The following DNM1 variants were observed in gnomAD, a reference collection of about 807,000 sequenced individuals.
DNM1 encodes the protein dynamin 1.
A neutral mutation model predicts 104.6 loss-of-function variants in DNM1; 29 were observed. That is an observed-to-expected ratio of 0.28 (90% CI 0.21 to 0.38). The LOEUF (loss-of-function observed/expected upper bound fraction) is 0.38, where lower values mean the gene tolerates loss of function less well. Among genes scored for constraint, DNM1 ranks in the 10% least tolerant of loss-of-function variants. DNM1 has a pLI of 1.00. For missense variants in DNM1, 640 were observed against 1,189.4 expected, an observed-to-expected ratio of 0.54 and a Z score of 6.79; for synonymous variants, 445 against 475.8, an observed-to-expected ratio of 0.94 and a Z score of 0.84.
At chr9:128,238,206 CTCTG>C (rs976988044) in intron 11 of DNM1, among the ~76,000 whole-genome samples, 4 of 139,320 alleles carry the variant, frequency 2.9e-5, no homozygotes, top group Admixed American at 1.5e-4. Context: ...TTTAAAAAGC[CTCTG>C]TTTGTTTGTT....
chr9:128,248,363 C>A lies in DNM1; in HGVS notation c.1906-220C>A. ...TAATTTCTGGATTGGGAAATTGAGG[C>A]AAATTCTAGGCACTAGAGTCAGAAC... On this transcript the variant is annotated intron_variant, in intron 18 of 21. Coordinates refer to ENST00000372923, the MANE Select transcript of DNM1 (RefSeq NM_004408.4). This position sits in a 1 kb window ranked among gnomAD's most constrained non-coding sequence, Gnocchi z 5.6. The A allele has an allele frequency of 1.8e-6, 1 of 543,074 alleles. No individual in the cohort carries two copies. Among genetic ancestry groups the A allele is most frequent in the Non-Finnish European group, 3.2e-6 (1 of 308,680 alleles). The allele number at this position is 543,074 out of a possible 1,614,324, so 33.6% of individuals were successfully genotyped here. A position where few individuals can be genotyped will look rare whatever the true frequency, so the allele number is the denominator to read the frequency against.
chr9:128,203,579 G>T lies in DNM1; in HGVS notation c.109G>T (p.Val37Leu). The change falls in exon 1 of 22, where the codon GTG (valine) becomes TTG (leucine). Residue 37 changes from valine (V) to leucine (L), a missense_variant. By Grantham distance (32) the Val-to-Leu change is conservative. This residue lies in a region of DNM1 where 172 missense variants were observed against 335.3 expected (regional missense o/e 0.51). Coordinates refer to ENST00000372923, the MANE Select transcript of DNM1 (RefSeq NM_004408.4). This position sits in a 1 kb window ranked among gnomAD's most constrained non-coding sequence, Gnocchi z 5.3. ...ADLDLPQIAV[V>L]GGQSAGKSSV... ...CCTCGACCTGCCGCAGATCGCTGTG[G>T]TGGGCGGCCAGAGCGCCGGCAAGAG... 1 of 1,551,216 alleles carries T rather than the reference G, an allele frequency of 6.4e-7. No homozygotes were observed. Among genetic ancestry groups the T allele is most frequent in the Non-Finnish European group, 8.7e-7 (1 of 1,152,474 alleles).
rs1343344801 is a variant in DNM1 at position 128,224,004 on chromosome 9, G to C, written c.1197-247G>C. The C allele has an allele frequency of 3.2e-6, 1 of 317,306 alleles. No individual in the cohort carries two copies. The highest frequency in any genetic ancestry group is 2.2e-5 in the African/African-American group (1 of 46,320). The allele number at this position is 317,306 out of a possible 1,614,324, so 19.7% of individuals were successfully genotyped here. On this transcript the variant is annotated intron_variant, in intron 9 of 21. Transcript: ENST00000372923. This position sits in a 1 kb window ranked among gnomAD's most constrained non-coding sequence, Gnocchi z 4.3. ...GCGGAGGTTGCAGTGAGCCAAGATT[G>C]CGCCACTGCACTCCAGCCTGGGCGA...
intron 1 of DNM1, among the ~76,000 whole-genome samples, chr9:128,209,205 A>T (rs1264435959): frequency 6.6e-6 from 1 of 152,202 alleles, no homozygotes; most frequent in Non-Finnish European, 1.5e-5. Context: ...GGGGCTGGAA[A>T]CATGGAAATG....
chr9:128,217,973 A>G (rs1286147835), intron 1 of DNM1, among the ~76,000 whole-genome samples: 1 of 152,194 alleles, frequency 6.6e-6, no homozygotes, highest in Admixed American at 6.5e-5. Flanking sequence ...AAACCAACAC[A>G]GGACGTATCT....
At chr9:128,233,951 CGTG>C (rs1835851242) in intron 10 of DNM1, 67 bp from the exon 11 acceptor site, 2 of 1,389,856 alleles carry the variant, frequency 1.4e-6, no homozygotes, top group Non-Finnish European at 2.0e-6. Context: ...TCCCTGGACT[CGTG>C]GGGTGTGGGT....
At chr9:128,210,509 C>A (rs1353816648) in intron 1 of DNM1, among the ~76,000 whole-genome samples, 1 of 152,020 alleles carries the variant, frequency 6.6e-6, no homozygotes, top group African/African-American at 2.4e-5. Context: ...CTAACAGGCA[C>A]CCGCCATCAT....
Position 128,246,429 on chromosome 9 carries a change from C to T in DNM1, c.1707C>T (p.Asn569=), listed in dbSNP as rs145318071. Residue 569 remains asparagine (N), a synonymous_variant, in exon 16 of 22, where the codon AAC becomes AAT. Coordinates refer to ENST00000372923, the MANE Select transcript of DNM1 (RefSeq NM_004408.4). ...AGAAATACATGCTGTCTGTGGACAA[C>T]CTCAAGCTGCGGGACGTGGAGAAGG... ...KEKKYMLSVD[N]LKLRDVEKGF... 437 of 1,614,126 alleles carry T rather than the reference C, an allele frequency of 2.7e-4. 1 individual carries two copies. The Middle Eastern group carries it at 6.9e-3, about 26-fold the overall frequency.
chr9:128,235,768 G>A (rs1042499683), intron 11 of DNM1, among the ~76,000 whole-genome samples: 2 of 152,174 alleles, frequency 1.3e-5, no homozygotes, highest in Non-Finnish European at 2.9e-5. Flanking sequence ...AGGCAGGAGT[G>A]CAGTAGCATG....
chr9:128,250,944 A>T lies in DNM1; in HGVS notation c.2534+4A>T. On this transcript the variant is annotated splice_donor_region_variant and intron_variant, in intron 21 of 21. Coordinates refer to ENST00000372923, the MANE Select transcript of DNM1 (RefSeq NM_004408.4). The stretch of plus-strand genomic sequence containing the variant: ...GCGCCCCGCCCGGGGTCCCCAGGTG[A>T]GTAGGGGCTGAATGCGGCTGGAGAG... 1 of 1,392,196 alleles carries T rather than the reference A, an allele frequency of 7.2e-7. No individual in the cohort carries two copies. The highest frequency in any genetic ancestry group is 9.4e-7 in the Non-Finnish European group (1 of 1,060,524). The allele number at this position is 1,392,196 out of a possible 1,614,324, so 86.2% of individuals were successfully genotyped here.
chr9:128,215,463 C>T (rs1834547671), intron 1 of DNM1, among the ~76,000 whole-genome samples: 1 of 152,246 alleles, frequency 6.6e-6, no homozygotes, highest in African/African-American at 2.4e-5. Flanking sequence ...CAGAGATGGG[C>T]CACCTCCCCA....
rs540016791 is a variant in DNM1, at chr9:128,243,415, C to T, written c.1671+1070C>T. The stretch of plus-strand genomic sequence containing the variant: ...GGGGGAGCGGGGCTCTGGGTGGGGC[C>T]TGTGATTTTGGCCTCCAAGCCCCCT... On this transcript the variant is annotated intron_variant, in intron 15 of 21. Coordinates refer to ENST00000372923, the MANE Select transcript of DNM1 (RefSeq NM_004408.4). This position sits in a 1 kb window ranked among gnomAD's most constrained non-coding sequence, Gnocchi z 4.0. Among the ~76,000 whole-genome samples the T allele has an allele frequency of 5.3e-5, 8 of 152,250 alleles. No individual in the cohort carries two copies. Among genetic ancestry groups the T allele is most frequent in the South Asian group, 2.1e-4 (1 of 4,824 alleles).
Position 128,218,105 on chromosome 9 carries a change from G to A in DNM1, c.162-126G>A, listed in dbSNP as rs1003474493. The A allele has an allele frequency of 3.4e-6, 3 of 873,934 alleles. No individual in the cohort carries two copies. The highest frequency in any genetic ancestry group is 2.2e-4 in the Middle Eastern group (1 of 4,602). The allele number at this position is 873,934 out of a possible 1,614,324, so 54.1% of individuals were successfully genotyped here. ...GCTCTTAGTTACCTGAAGCCCCTGG[G>A]CTAAGGAGCGGTGGAGCCAGCACTT... On this transcript the variant is annotated intron_variant, in intron 1 of 21. Coordinates refer to ENST00000372923, the MANE Select transcript of DNM1 (RefSeq NM_004408.4). This position sits in a 1 kb window ranked among gnomAD's most constrained non-coding sequence, Gnocchi z 4.8.
chr9:128,249,811 C>T (rs1331434499), intron 19 of DNM1, among the ~76,000 whole-genome samples: 2 of 151,418 alleles, frequency 1.3e-5, no homozygotes, highest in Non-Finnish European at 2.9e-5. Context: ...GGTGAAAGAG[C>T]GAGACCCTAT....
chr9:128,248,326 T>TAAG lies in DNM1; in HGVS notation c.1906-255_1906-254insGAA, dbSNP rs1251264011. ...GTGACAAAGCAAGACTTTCTCAAAA[T>TAAG]AATAATAATAATAATTTCTGGATTG... On this transcript the variant is annotated intron_variant, in intron 18 of 21. Transcript: ENST00000372923. This position sits in a 1 kb window ranked among gnomAD's most constrained non-coding sequence, Gnocchi z 5.6. The TAAG allele has an allele frequency of 9.1e-6, 4 of 437,430 alleles. No individual in the cohort carries two copies. The Admixed American group carries it at 1.5e-4, about 16-fold the overall frequency. 27.1% of individuals were successfully genotyped at this position (437,430 alleles called of 1,614,324 possible). A position where few individuals can be genotyped will look rare whatever the true frequency, so the allele number is the denominator to read the frequency against.
At chr9:128,213,002 A>G (rs1308655307) in intron 1 of DNM1, among the ~76,000 whole-genome samples, 1 of 152,242 alleles carries the variant, frequency 6.6e-6, no homozygotes, top group East Asian at 1.9e-4. Flanking sequence ...ATGAATGATA[A>G]AATGTTTACA....
At position 128,240,124 on chromosome 9, in the gene DNM1, AT is replaced by A; in HGVS notation, c.1557+131del. 1 of 1,105,680 alleles carries A rather than the reference AT, an allele frequency of 9.0e-7. No homozygotes were observed. The highest frequency in any genetic ancestry group is 1.4e-6 in the Non-Finnish European group (1 of 727,402). 68.5% of individuals were successfully genotyped at this position (1,105,680 alleles called of 1,614,324 possible). On this transcript the variant is annotated intron_variant, in intron 14 of 21. Transcript: ENST00000372923. This position sits in a 1 kb window ranked among gnomAD's most constrained non-coding sequence, Gnocchi z 5.1. The stretch of plus-strand genomic sequence containing the variant: ...CTGCTTGTACACACCAGCCCCTGGC[AT>A]TTCACACCTGCCCTCAGGCCAGAGG...
chr9:128,254,249 G>A lies in DNM1; in HGVS notation c.2535-405G>A. On this transcript the variant is annotated intron_variant, in intron 21 of 21. Transcript: ENST00000372923. This position sits in a 1 kb window ranked among gnomAD's most constrained non-coding sequence, Gnocchi z 6.1. ...GTGTTCTTTCTCTATCAGGCCTGGT[G>A]GCTGTTGCATGGGGCTCCCCAAGGC... The A allele has an allele frequency of 7.3e-7, 1 of 1,376,360 alleles. No homozygotes were observed. Among genetic ancestry groups the A allele is most frequent in the Non-Finnish European group, 9.3e-7 (1 of 1,074,948 alleles). The allele number at this position is 1,376,360 out of a possible 1,614,324, so 85.3% of individuals were successfully genotyped here. A position where few individuals can be genotyped will look rare whatever the true frequency, so the allele number is the denominator to read the frequency against.
chr9:128,248,904 C>T lies in DNM1; in HGVS notation c.2076+151C>T, dbSNP rs1829331566. 3.5e-6 allele frequency: 3 copies of T among 861,672 alleles called. No homozygotes were observed. In the Admixed American group the frequency reaches 7.9e-5, roughly 23 times the overall value. 53.4% of individuals were successfully genotyped at this position (861,672 alleles called of 1,614,324 possible). A position where few individuals can be genotyped will look rare whatever the true frequency, so the allele number is the denominator to read the frequency against. ...GACCAGAGCTGTCCAATAGAAATATCATGAGGGGCTGGGCGCGGTGGCTCA... is the reference window on the plus strand; with the variant it reads ...GACCAGAGCTGTCCAATAGAAATATTATGAGGGGCTGGGCGCGGTGGCTCA... On this transcript the variant is annotated intron_variant, in intron 19 of 21. Transcript: ENST00000372923. The surrounding 1 kb of genome is among the most constrained non-coding windows in gnomAD (Gnocchi z 5.6).
Sources: allele counts gnomAD v4.1 joint callset (sites outside exome capture counted in the v4.1 genomes callset), GRCh38; gene constraint gnomAD v4.1.1; regional missense constraint gnomAD v4.1.1; non-coding constraint Gnocchi (gnomAD v3.1); transcripts MANE v1.5; gene names NCBI Gene and HGNC (gene_info 2026-07-23, HGNC 2026-07-21).